Variants in ARVCF observed in about 807,000 individuals in gnomAD.
ARVCF encodes ARVCF delta catenin family member.
ARVCF carries 66 observed loss-of-function variants against 90.9 expected under a neutral mutation model. That is an observed-to-expected ratio of 0.73 (90% CI 0.60 to 0.89). The LOEUF is 0.89. ARVCF is among the 40% of genes least tolerant of loss of function. The pLI is 0.00. For missense variants in ARVCF, 1,469 were observed against 1,382.3 expected (o/e 1.06, Z -1.00); for synonymous variants, 653 against 603.4 (o/e 1.08, Z -1.21).
At chr22:20,003,121 C>G (rs914645335) in intron 2 of ARVCF, among the ~76,000 whole-genome samples, 9 of 152,038 alleles carry the variant, frequency 5.9e-5, no homozygotes, top group African/African-American at 2.2e-4. Context: ...AATTAGATAA[C>G]CCAGATGAAA....
intron 14 of ARVCF, 35 bp downstream of exon 14, chr22:19,973,084 C>A: frequency 2.5e-6 from 4 of 1,594,216 alleles, no homozygotes; most frequent in Middle Eastern, 1.8e-4. Context: ...CCCACCTCCG[C>A]GGCTCCCCAA....
At chr22:20,011,919 A>G (rs1457009553) in intron 1 of ARVCF, among the ~76,000 whole-genome samples, 1 of 152,012 alleles carries the variant, frequency 6.6e-6, no homozygotes, top group Non-Finnish European at 1.5e-5. Flanking sequence ...TGTGCCACAG[A>G]ACCGAGACAC....
chr22:19,987,248 CGGGGCCGCGCCCAGGTGGGGCGTGGCG>C (rs1943837694), intron 3 of ARVCF: 2 of 130,476 alleles, frequency 1.5e-5, no homozygotes, highest in Non-Finnish European at 3.0e-5. Context: ...GCCAATCGGG[CGGGGCCGCGCCCAGGTGGGGCGTGGCG>C]GGGGCCGGGG....
At chr22:19,975,791 C>T (rs1457604542) in intron 10 of ARVCF, 34 bp from the exon 11 acceptor site, 2 of 1,607,660 alleles carry the variant, frequency 1.2e-6, no homozygotes, top group Non-Finnish European at 1.7e-6. Context: ...GTGAGGCAGA[C>T]CCCATATGGG....
At chr22:19,986,889 G>A (rs1022536550) in intron 3 of ARVCF, among the ~76,000 whole-genome samples, 1 of 152,144 alleles carries the variant, frequency 6.6e-6, no homozygotes, top group Non-Finnish European at 1.5e-5. Context: ...GGGGCACCGC[G>A]CTCACACCGC....
intron 11 of ARVCF, 51 bp from the exon 12 acceptor site, chr22:19,974,290 C>A: frequency 6.5e-7 from 1 of 1,538,658 alleles, no homozygotes; most frequent in Non-Finnish European, 8.8e-7. Context: ...TGCTCTCATC[C>A]ATCATACCCC....
chr22:19,995,035 G>A (rs1049345074), intron 2 of ARVCF, among the ~76,000 whole-genome samples: 3 of 151,762 alleles, frequency 2.0e-5, no homozygotes, highest in Non-Finnish European at 4.4e-5. Flanking sequence ...ACAGCTAGAT[G>A]GATGATTGGA....
At chr22:20,010,717 C>A (rs144196123) in intron 1 of ARVCF, among the ~76,000 whole-genome samples, 1 of 152,204 alleles carries the variant, frequency 6.6e-6, no homozygotes, top group Non-Finnish European at 1.5e-5. Context: ...CACTGGGCTG[C>A]CACGGTTCCT....
intron 1 of ARVCF, among the ~76,000 whole-genome samples, chr22:20,010,970 G>A (rs768285358): frequency 2.6e-5 from 4 of 152,230 alleles, no homozygotes; most frequent in Non-Finnish European, 5.9e-5. Flanking sequence ...GTTCCCTGAG[G>A]CCAACATAGA....
chr22:19,972,622 C>T, intron 16 of ARVCF, 115 bp downstream of exon 16: 2 of 1,246,274 alleles, frequency 1.6e-6, no homozygotes, highest in South Asian at 3.0e-5. Context: ...GGAAAGTGGC[C>T]TATGGAAGCC....
At chr22:19,980,269 C>A in intron 5 of ARVCF, 27 bp from the exon 6 acceptor site, 1 of 1,496,284 alleles carries the variant, frequency 6.7e-7, no homozygotes, top group Admixed American at 2.2e-5. Flanking sequence ...GGCGCGTGGA[C>A]ATCGTCACAG....
intron 1 of ARVCF, among the ~76,000 whole-genome samples, chr22:20,010,766 C>G (rs893300424): frequency 6.6e-6 from 1 of 152,200 alleles, no homozygotes; most frequent in South Asian, 2.1e-4. Context: ...CCTTCAGAAA[C>G]GTGATCCTTC....
Position 19,973,809 on chromosome 22 carries a change from G to A in ARVCF, c.2089-16C>T. The A allele has an allele frequency of 6.3e-7, 1 of 1,597,568 alleles. No individual in the cohort carries two copies. The highest frequency in any genetic ancestry group is 8.5e-7 in the Non-Finnish European group (1 of 1,175,226). On this transcript the variant is annotated splice_polypyrimidine_tract_variant and intron_variant, in intron 12 of 19. Transcript: ENST00000263207. ...ACGTGGCCCACTGCGGAGGCGGGGA[G>A]AGGGTTGCTCAGACATACATGCCAG...
chr22:20,010,945 C>G (rs1055117633), intron 1 of ARVCF, among the ~76,000 whole-genome samples: 3 of 152,374 alleles, frequency 2.0e-5, no homozygotes, highest in African/African-American at 7.2e-5. Context: ...GGCGAGGCCA[C>G]GTGCCTCTCC....
chr22:19,977,212 T>C (rs530123070), intron 9 of ARVCF, among the ~76,000 whole-genome samples: 3 of 152,214 alleles, frequency 2.0e-5, no homozygotes, highest in Non-Finnish European at 2.9e-5. Context: ...ACAGTGTAGA[T>C]GGGGAAGGTT....
chr22:20,014,405 G>A (rs556461923), intron 1 of ARVCF, among the ~76,000 whole-genome samples: 2 of 152,324 alleles, frequency 1.3e-5, no homozygotes, highest in Admixed American at 1.3e-4. Context: ...ATGTTGGCCA[G>A]GCTAGTGTCA....
At chr22:19,968,169 C>T (rs9332377), downstream of ARVCF, among the ~76,000 whole-genome samples, 30,679 of 152,166 alleles carry the variant, frequency 0.2, 3,830 homozygotes, top group African/African-American at 0.35. Flanking sequence ...GTGCCTCTCC[C>T]TCATAGGCCT....
chr22:19,985,202 G>A (rs951078059), intron 3 of ARVCF, among the ~76,000 whole-genome samples: 2 of 152,146 alleles, frequency 1.3e-5, no homozygotes, highest in African/African-American at 4.8e-5. Flanking sequence ...CCTGTCAGTC[G>A]TCTCTCATCA....
chr22:19,968,192 C>G (rs927780429), downstream of ARVCF, among the ~76,000 whole-genome samples: 4 of 152,214 alleles, frequency 2.6e-5, no homozygotes, highest in South Asian at 4.1e-4. Context: ...GTTCCTGGCA[C>G]TGGGTGTTGA....
Sources: gnomAD v4.1 joint callset for allele counts (sites outside exome capture counted in the v4.1 genomes callset) on GRCh38, gnomAD v4.1.1 for gene constraint, MANE v1.5 for transcripts, NCBI Gene and HGNC (gene_info 2026-07-23, HGNC 2026-07-21) for gene names.